The following RTN1 variants were observed in gnomAD, a reference collection of about 807,000 sequenced individuals.
RTN1 encodes reticulon-1.
RTN1 carries 25 observed loss-of-function variants against 65.5 expected under a neutral mutation model. The observed-to-expected ratio is 0.38, with a 90% confidence interval of 0.28 to 0.53. RTN1 has a LOEUF of 0.53. RTN1 is among the 20% of genes least tolerant of loss of function. RTN1 has a pLI of 0.79. For synonymous variants in RTN1, 471 were observed against 447.6 expected (o/e 1.05, Z -0.66); for missense variants, 983 against 1,025.4 (o/e 0.96, Z 0.57).
intron 1 of RTN1, among the ~76,000 whole-genome samples, chr14:59,772,550 AC>A (rs1412709054): frequency 6.6e-6 from 1 of 151,948 alleles, no homozygotes; most frequent in Non-Finnish European, 1.5e-5. Flanking sequence ...AAAAAAAAAA[AC>A]AGTGGAAATA....
At chr14:59,625,629 A>G (rs1882375457) in intron 3 of RTN1, among the ~76,000 whole-genome samples, 1 of 152,124 alleles carries the variant, frequency 6.6e-6, no homozygotes, top group South Asian at 2.1e-4. Context: ...CAATATCTAG[A>G]TAATATTCAG....
In RTN1 at chr14:59,853,149, G is replaced by A. The variant is rs3925441; in HGVS notation, c.241+17241C>T. On this transcript the variant is annotated intron_variant, in intron 1 of 8. Coordinates refer to ENST00000267484, the MANE Select transcript of RTN1 (RefSeq NM_021136.3). Reference sequence around the variant, plus strand: ...GACTTCTGAAAAATTCCAGAATTTGGGGGTGTTTGTACAGATTTTCCAGTG... The same window carrying A: ...GACTTCTGAAAAATTCCAGAATTTGAGGGTGTTTGTACAGATTTTCCAGTG... Among the ~76,000 whole-genome samples the A allele has an allele frequency of 9.9e-5, 15 of 152,028 alleles. 1 individual carries two copies. Among genetic ancestry groups the A allele is most frequent in the African/African-American group, 3.4e-4 (14 of 41,442 alleles).
At chr14:59,828,444 TG>T (rs1887070537) in intron 1 of RTN1, among the ~76,000 whole-genome samples, 1 of 152,132 alleles carries the variant, frequency 6.6e-6, no homozygotes, top group Admixed American at 6.5e-5. Flanking sequence ...AAGAGGATTG[TG>T]GAGAATGCTG....
chr14:59,727,650 G>T lies in RTN1; in HGVS notation c.1034C>A (p.Ser345Tyr), dbSNP rs745361474. 2 of 1,605,422 alleles carry T rather than the reference G, an allele frequency of 1.2e-6. No individual in the cohort carries two copies. Among genetic ancestry groups the T allele is most frequent in the South Asian group, 1.1e-5 (1 of 90,058 alleles). Reference sequence around the variant, plus strand: ...CTCGGAGATGCTGCCTTTCCCCTGGGATTCTGCAGCAGATGGTTCTGTCGT... The same window carrying T: ...CTCGGAGATGCTGCCTTTCCCCTGGTATTCTGCAGCAGATGGTTCTGTCGT... ...SSGTEPSAAE[S>Y]QGKGSISEDE... The change falls in exon 3 of 9, where the codon TCC (serine) becomes TAC (tyrosine). Residue 345 changes from serine (S) to tyrosine (Y), a missense_variant. Physicochemically the swap from Ser to Tyr is moderately radical, Grantham distance 144 (BLOSUM62 -2). Around this residue, in one of 2 missense-constraint regions of RTN1, gnomAD observed 818 missense variants for 801.8 expected, o/e 1.02. Coordinates refer to ENST00000267484, the MANE Select transcript of RTN1 (RefSeq NM_021136.3). The surrounding 1 kb of genome is among the most constrained non-coding windows in gnomAD (Gnocchi z 4.2).
In RTN1 at chr14:59,868,822, T is replaced by C. The variant is rs1007894204; in HGVS notation, c.241+1568A>G. On this transcript the variant is annotated intron_variant, in intron 1 of 8. Coordinates refer to ENST00000267484, the MANE Select transcript of RTN1 (RefSeq NM_021136.3). The surrounding 1 kb of genome is among the most constrained non-coding windows in gnomAD (Gnocchi z 4.0). ...TACAGTGGATAAAGATTCTGAACTATGAGCAGTCTATCCTCAACAAAGAAT... is the reference window on the plus strand; with the variant it reads ...TACAGTGGATAAAGATTCTGAACTACGAGCAGTCTATCCTCAACAAAGAAT... Among the ~76,000 whole-genome samples, 1 of 152,230 alleles carries C rather than the reference T, an allele frequency of 6.6e-6. No homozygotes were observed. The highest frequency in any genetic ancestry group is 1.9e-4 in the East Asian group (1 of 5,202).
chr14:59,747,952 C>T (rs562419082), intron 1 of RTN1, among the ~76,000 whole-genome samples: 74 of 152,232 alleles, frequency 4.9e-4, no homozygotes, highest in Middle Eastern at 6.8e-3. Flanking sequence ...AGCTAACATG[C>T]GAGTGCTTGC....
chr14:59,767,212 T>C (rs1461578991), intron 1 of RTN1, among the ~76,000 whole-genome samples: 2 of 152,138 alleles, frequency 1.3e-5, no homozygotes, highest in Non-Finnish European at 2.9e-5. Flanking sequence ...TTCCCCTAGG[T>C]GTGGACATGG....
rs1451025978 is a variant in RTN1, at chr14:59,727,467, G to A, written c.1217C>T (p.Ala406Val). The change falls in exon 3 of 9, where the codon GCG becomes GTG. Residue 406 changes from alanine (A) to valine (V), a missense_variant. Ala to Val is a moderately conservative substitution (Grantham distance 64). Around this residue, in one of 2 missense-constraint regions of RTN1, gnomAD observed 818 missense variants for 801.8 expected, o/e 1.02. Coordinates refer to ENST00000267484, the MANE Select transcript of RTN1 (RefSeq NM_021136.3). The surrounding 1 kb of genome is among the most constrained non-coding windows in gnomAD (Gnocchi z 4.2). ...PSPLDHEASS[A>V]ESGDSEIELV... The stretch of plus-strand genomic sequence containing the variant: ...CTCGATCTCTGAGTCCCCCGACTCC[G>A]CGCTGCTGGCCTCGTGGTCCAGGGG... 7 of 1,569,334 alleles carry A rather than the reference G, an allele frequency of 4.5e-6. No individual in the cohort carries two copies. The highest frequency in any genetic ancestry group is 1.9e-5 in the Admixed American group (1 of 53,626).
intron 1 of RTN1, among the ~76,000 whole-genome samples, chr14:59,761,298 G>T (rs1189211520): frequency 6.6e-6 from 1 of 152,192 alleles, no homozygotes; most frequent in Non-Finnish European, 1.5e-5. Context: ...GCAGGGCCAG[G>T]TGGAGATAAT....
At chr14:59,830,465 A>G (rs1029128440) in intron 1 of RTN1, among the ~76,000 whole-genome samples, 3 of 152,228 alleles carry the variant, frequency 2.0e-5, no homozygotes, top group African/African-American at 7.2e-5. Context: ...TGAGGAGCCC[A>G]AAAGTAAGGT....
intron 3 of RTN1, among the ~76,000 whole-genome samples, chr14:59,694,302 A>T (rs1884018693): frequency 6.6e-6 from 1 of 152,160 alleles, no homozygotes. Context: ...ACCCATCTGG[A>T]AGTAAGGAGA....
At chr14:59,765,043 T>G (rs1258922692) in intron 1 of RTN1, among the ~76,000 whole-genome samples, 1 of 152,198 alleles carries the variant, frequency 6.6e-6, no homozygotes, top group Non-Finnish European at 1.5e-5. Context: ...TTTTAAAATG[T>G]CTTTTAACTT....
chr14:59,824,221 T>C (rs1594756957), intron 1 of RTN1, among the ~76,000 whole-genome samples: 2 of 152,266 alleles, frequency 1.3e-5, no homozygotes, highest in Non-Finnish European at 2.9e-5. Context: ...TAAGTACTCC[T>C]ATTAAGTTTT....
intron 3 of RTN1, among the ~76,000 whole-genome samples, chr14:59,622,481 T>C (rs1313245991): frequency 6.6e-6 from 1 of 151,630 alleles, no homozygotes; most frequent in Admixed American, 6.6e-5. Flanking sequence ...CTTCCAATGA[T>C]TTAACTACAA....
intron 2 of RTN1, among the ~76,000 whole-genome samples, chr14:59,736,583 A>C (rs1885006278): frequency 6.6e-6 from 1 of 152,210 alleles, no homozygotes; most frequent in African/African-American, 2.4e-5. Flanking sequence ...TTACAGCTGA[A>C]TTCTACCAGA....
At chr14:59,598,271 G>C (rs1881469183) in intron 8 of RTN1, among the ~76,000 whole-genome samples, 1 of 152,156 alleles carries the variant, frequency 6.6e-6, no homozygotes, top group Admixed American at 6.5e-5. Context: ...GCATAGGCTA[G>C]GATTAGAAGA....
At chr14:59,761,129 A>G (rs931790825) in intron 1 of RTN1, among the ~76,000 whole-genome samples, 1 of 152,206 alleles carries the variant, frequency 6.6e-6, no homozygotes, top group Non-Finnish European at 1.5e-5. Context: ...ATTTCAAAAT[A>G]CAGTCTTAGC....
chr14:59,716,425 T>C (rs1884535087), intron 3 of RTN1, among the ~76,000 whole-genome samples: 1 of 152,214 alleles, frequency 6.6e-6, no homozygotes, highest in African/African-American at 2.4e-5. Flanking sequence ...TATTATATTT[T>C]ATGTTTTGGT....
chr14:59,733,203 T>A (rs1220804783), intron 2 of RTN1, among the ~76,000 whole-genome samples: 1 of 152,086 alleles, frequency 6.6e-6, no homozygotes, highest in Non-Finnish European at 1.5e-5. Context: ...GCAATTCTCC[T>A]GCTTCAGACT....
Sources: gnomAD v4.1 joint callset for allele counts (sites outside exome capture counted in the v4.1 genomes callset) on GRCh38, gnomAD v4.1.1 for gene constraint, gnomAD v4.1.1 regional missense constraint, Gnocchi (gnomAD v3.1) non-coding constraint, MANE v1.5 for transcripts, NCBI Gene and HGNC (gene_info 2026-07-23, HGNC 2026-07-21) for gene names.